RBFOX1: variants seen among roughly 807,000 people sequenced by gnomAD.
The protein encoded by RBFOX1 is RNA binding fox-1 homolog 1, also known as RNA binding protein fox-1 homolog 1.
Under a neutral mutation model 57.7 loss-of-function variants are expected in RBFOX1, and 8 were observed. The observed-to-expected ratio is 0.14, with a 90% CI of 0.08 to 0.25. The LOEUF is 0.25. Ranked by LOEUF, RBFOX1 falls within the 10% of genes least tolerant of loss-of-function variation. The pLI is 1.00. For synonymous variants in RBFOX1, 326 were observed against 222.4 expected (o/e 1.47, Z -4.15); for missense variants, 611 against 548.5 (o/e 1.11, Z -1.14).
intron 3 of RBFOX1, among the ~76,000 whole-genome samples, chr16:6,760,151 C>T (rs908179675): frequency 9.2e-5 from 14 of 152,034 alleles, no homozygotes; most frequent in Admixed American, 3.9e-4. Flanking sequence ...AAAAAATGTA[C>T]GTACACAAAG....
At chr16:7,135,827 G>A (rs945400774) in intron 4 of RBFOX1, among the ~76,000 whole-genome samples, 5 of 152,210 alleles carry the variant, frequency 3.3e-5, no homozygotes, top group African/African-American at 7.2e-5. Flanking sequence ...CTTTTTGACT[G>A]CAGATTGGCC....
intron 4 of RBFOX1, among the ~76,000 whole-genome samples, chr16:7,193,160 C>A (rs1424547003): frequency 6.6e-6 from 1 of 152,138 alleles, no homozygotes; most frequent in East Asian, 1.9e-4. Context: ...CTGGATGGAT[C>A]CAATAGGATT....
intron 2 of RBFOX1, among the ~76,000 whole-genome samples, chr16:6,389,036 A>C (rs767986394): frequency 1.3e-5 from 2 of 152,146 alleles, no homozygotes. Context: ...AGTTACCTAA[A>C]CTAGTAAATT....
chr16:7,524,344 C>G (rs1054630580), intron 5 of RBFOX1, among the ~76,000 whole-genome samples: 1 of 152,136 alleles, frequency 6.6e-6, no homozygotes, highest in African/African-American at 2.4e-5. Flanking sequence ...TTTTAGTTCC[C>G]CACAGGCTGA....
chr16:5,652,612 C>T (rs1007102199), intron 3 of RBFOX1, among the ~76,000 whole-genome samples: 5 of 152,224 alleles, frequency 3.3e-5, no homozygotes, highest in Non-Finnish European at 7.3e-5. Flanking sequence ...CTCCTCTCAG[C>T]CCCCACCCAC....
chr16:5,731,745 T>G (rs148688435), intron 3 of RBFOX1, among the ~76,000 whole-genome samples: 192 of 152,276 alleles, frequency 1.3e-3, no homozygotes, highest in African/African-American at 4.4e-3. Context: ...GTAGGGAGAA[T>G]AGCGGTTGAA....
chr16:7,087,388 C>G (rs566251597), intron 4 of RBFOX1, among the ~76,000 whole-genome samples: 4 of 152,130 alleles, frequency 2.6e-5, no homozygotes, highest in African/African-American at 9.7e-5. Flanking sequence ...TCAACACCAT[C>G]GCTAGTATTA....
At chr16:6,936,426 T>C (rs567630403) in intron 3 of RBFOX1, among the ~76,000 whole-genome samples, 1 of 152,220 alleles carries the variant, frequency 6.6e-6, no homozygotes. Flanking sequence ...TAACACCTAA[T>C]TGGATGCATT....
intron 3 of RBFOX1, among the ~76,000 whole-genome samples, chr16:5,802,899 C>G (rs2055104733): frequency 6.6e-6 from 1 of 152,226 alleles, no homozygotes; most frequent in African/African-American, 2.4e-5. Context: ...CCTCACCTCA[C>G]TGACATTTAC....
At chr16:5,560,746 C>G (rs376962276) in intron 2 of RBFOX1, among the ~76,000 whole-genome samples, 1 of 152,182 alleles carries the variant, frequency 6.6e-6, no homozygotes, top group Non-Finnish European at 1.5e-5. Context: ...TGCTATTGGA[C>G]TTCTCTGGAC....
chr16:5,585,406 C>A (rs1046947895), intron 2 of RBFOX1, among the ~76,000 whole-genome samples: 1 of 152,166 alleles, frequency 6.6e-6, no homozygotes, highest in African/African-American at 2.4e-5. Flanking sequence ...ATCTGTTCAT[C>A]CAGTGATGGA....
At chr16:6,340,155 A>G (rs1361666809) in intron 2 of RBFOX1, among the ~76,000 whole-genome samples, 1 of 152,200 alleles carries the variant, frequency 6.6e-6, no homozygotes, top group Admixed American at 6.5e-5. Flanking sequence ...ATTCTTGTTA[A>G]CCATGTGAGG....
intron 4 of RBFOX1, among the ~76,000 whole-genome samples, chr16:5,958,269 T>C (rs975232204): frequency 3.3e-5 from 5 of 152,220 alleles, no homozygotes; most frequent in African/African-American, 1.2e-4. Context: ...GAGACTTGCT[T>C]GGAATTAGCA....
At chr16:5,436,469 T>G (rs1373231895) in intron 1 of RBFOX1, among the ~76,000 whole-genome samples, 1 of 152,240 alleles carries the variant, frequency 6.6e-6, no homozygotes, top group Admixed American at 6.5e-5. Flanking sequence ...TAAGAAGTAC[T>G]TCTCTTGCAG....
At chr16:6,976,910 A>G (rs911494618) in intron 3 of RBFOX1, among the ~76,000 whole-genome samples, 4 of 144,876 alleles carry the variant, frequency 2.8e-5, no homozygotes, top group East Asian at 2.0e-4. Context: ...TATCATATAT[A>G]TCACATATAT....
At chr16:6,929,639 T>G (rs1474051440) in intron 3 of RBFOX1, among the ~76,000 whole-genome samples, 1 of 152,178 alleles carries the variant, frequency 6.6e-6, no homozygotes, top group Non-Finnish European at 1.5e-5. Context: ...TTTCTCACCT[T>G]TAGGGATTCT....
rs570128592 is a variant in RBFOX1, at chr16:6,387,418, C to T, written c.-64+70361C>T. Among the ~76,000 whole-genome samples the T allele has an allele frequency of 1.7e-4, 25 of 147,190 alleles. 2 individuals carry two copies. The highest frequency in any genetic ancestry group is 1.2e-3 in the East Asian group (6 of 4,928). The stretch of plus-strand genomic sequence containing the variant: ...TTTACACTCCTCGGATTCGTATGTG[C>T]AAGTCTTGCTTGTGAGGGAAGAGCC... On this transcript the variant is annotated intron_variant, in intron 2 of 15. Transcript: ENST00000550418.
chr16:6,939,484 A>G (rs1318711558), intron 3 of RBFOX1, among the ~76,000 whole-genome samples: 1 of 149,010 alleles, frequency 6.7e-6, no homozygotes, highest in Non-Finnish European at 1.5e-5. Context: ...ACAGAATTTA[A>G]ATAGTTTCAG....
At chr16:5,252,618 ACTGTCCAGCACCTGCCTGCTC>A (rs1352615980) in intron 1 of RBFOX1, among the ~76,000 whole-genome samples, 9 of 152,196 alleles carry the variant, frequency 5.9e-5, no homozygotes, top group African/African-American at 1.4e-4. Context: ...CCTGGGCAGC[ACTGTCCAGCACCTGCCTGCTC>A]CTGTCTTCTT....
Sources: allele counts gnomAD v4.1 joint callset (sites outside exome capture counted in the v4.1 genomes callset), GRCh38; gene constraint gnomAD v4.1.1; transcripts MANE v1.5; gene names NCBI Gene and HGNC (gene_info 2026-07-23, HGNC 2026-07-21).